GNPTG: variants seen among roughly 807,000 people sequenced by gnomAD.
The protein encoded by GNPTG is N-acetylglucosamine-1-phosphotransferase subunit gamma.
Under a neutral mutation model 43.8 loss-of-function variants are expected in GNPTG, and 46 were observed. The ratio of observed to expected loss-of-function variants is 1.05; its 90% CI spans 0.83 to 1.34. The LOEUF (loss-of-function observed/expected upper bound fraction) is 1.34. Among genes scored for constraint, GNPTG ranks in the 40% most tolerant of loss-of-function variants. The pLI, the probability that GNPTG is intolerant of heterozygous loss-of-function variation, is 0.00. For missense variants in GNPTG, 549 were observed against 411.3 expected (o/e 1.33, Z -2.90); for synonymous variants, 250 against 172.8 (o/e 1.45, Z -3.50).
intron 3 of GNPTG, among the ~76,000 whole-genome samples, chr16:1,359,586 C>A (rs980489090): frequency 1.3e-5 from 2 of 152,068 alleles, no homozygotes; most frequent in Non-Finnish European, 2.9e-5. Flanking sequence ...AGTCTTTATG[C>A]CAGTATCACA....
chr16:1,352,584 C>T, intron 3 of GNPTG: 2 of 492,832 alleles, frequency 4.1e-6, no homozygotes, highest in Non-Finnish European at 3.7e-6. Flanking sequence ...ACGTGCGTGT[C>T]TATGCAACTG....
At chr16:1,354,072 C>T (rs1182650222) in intron 3 of GNPTG, among the ~76,000 whole-genome samples, 1 of 152,172 alleles carries the variant, frequency 6.6e-6, no homozygotes, top group Non-Finnish European at 1.5e-5. Context: ...CGTGATGGCG[C>T]ACCTGGGGTT....
chr16:1,356,666 C>T (rs1326609751), intron 3 of GNPTG, among the ~76,000 whole-genome samples: 1 of 152,206 alleles, frequency 6.6e-6, no homozygotes, highest in Non-Finnish European at 1.5e-5. Flanking sequence ...GGCCTCCTCC[C>T]AGCTGGGGAG....
At chr16:1,360,496 C>T (rs1261723017) in intron 3 of GNPTG, 1 of 152,154 alleles carries the variant, frequency 6.6e-6, no homozygotes, top group Non-Finnish European at 1.5e-5. Flanking sequence ...TGGTGGCGGG[C>T]ACGTGGGATC....
rs761341825 is a variant in GNPTG at position 1,362,797 on chromosome 16, T to TCC, written c.742-26_742-25dup. ...CAGTAGCCCTCCAGCACCTGGGCTT[T>TCC]CCCTTGAACTCTTTTTGTGGTTGGT... On this transcript the variant is annotated intron_variant, in intron 9 of 10. Transcript: ENST00000204679. 3.7e-6 allele frequency: 6 copies of TCC among 1,614,066 alleles called. No homozygotes were observed. The Admixed American group carries it at 1.0e-4, about 27-fold the overall frequency.
At chr16:1,355,736 C>G (rs2034763943) in intron 3 of GNPTG, among the ~76,000 whole-genome samples, 1 of 143,894 alleles carries the variant, frequency 6.9e-6, no homozygotes, top group Admixed American at 7.1e-5. Context: ...GGGCAGGACT[C>G]TGGGGCCTTG....
At chr16:1,354,585 CAAAAAAA>C (rs869067502) in intron 3 of GNPTG, among the ~76,000 whole-genome samples, 1,012 of 44,384 alleles carry the variant, frequency 0.023, 27 homozygotes, top group African/African-American at 0.074. Context: ...GACTTCGTCT[CAAAAAAA>C]AAAAAAAAAA....
chr16:1,355,773 C>T lies in GNPTG; in HGVS notation c.178+3467C>T, dbSNP rs548772403. ...CAGGGTCCTGGATCTGGGGAGGGGG[C>T]GGGGGAGGAGTAGAGTGGCCCCGGG... is the stretch of plus-strand genomic sequence containing the variant. On this transcript the variant is annotated intron_variant, in intron 3 of 10. Coordinates refer to ENST00000204679, the MANE Select transcript of GNPTG (RefSeq NM_032520.5). 3.9e-5 allele frequency among the ~76,000 whole-genome samples: 4 copies of T among 102,446 alleles called. No homozygotes were observed. The East Asian group carries it at 8.4e-4, about 21-fold the overall frequency. The allele number at this position is 102,446 out of a possible 152,430, so 67.2% of individuals were successfully genotyped here. A position where few individuals can be genotyped will look rare whatever the true frequency, so the allele number is the denominator to read the frequency against.
rs61739427 is a variant in GNPTG at position 1,363,010 on chromosome 16, G to C, written c.837G>C (p.Leu279Phe). 1.2e-6 allele frequency: 2 copies of C among 1,614,068 alleles called. No individual in the cohort carries two copies. Among genetic ancestry groups the C allele is most frequent in the Admixed American group, 1.7e-5 (1 of 60,018 alleles). ...PYTRPTETSN[L>F]EHLGHETPRA... is the part of the protein sequence containing the mutation. Reference sequence around the variant, plus strand: ...GTGTTTTGGCAGAAACTTCCAACTTGGAGCACTTGGGCCACGAGACGCCCA... The same window carrying C: ...GTGTTTTGGCAGAAACTTCCAACTTCGAGCACTTGGGCCACGAGACGCCCA... The change falls in exon 11 of 11, where the codon TTG becomes TTC. Residue 279 changes from leucine to phenylalanine, a missense_variant. Coordinates refer to ENST00000204679, the MANE Select transcript of GNPTG (RefSeq NM_032520.5).
In GNPTG at chr16:1,362,216, C is replaced by G. The variant is rs756379978; in HGVS notation, c.422C>G (p.Ala141Gly). The G allele has an allele frequency of 3.1e-6, 5 of 1,613,558 alleles. No homozygotes were observed. The highest frequency in any genetic ancestry group is 1.1e-5 in the South Asian group (1 of 91,090). The part of the protein sequence containing the change: ...SRSRQSKVEL[A>G]CGKSNRLAHV... ...ACGTTCCCTCCCCAGGTGGAGCTGGCGTGTGGAAAAAGCAACCGGCTGGCC... is the reference window on the plus strand; with the variant it reads ...ACGTTCCCTCCCCAGGTGGAGCTGGGGTGTGGAAAAAGCAACCGGCTGGCC... Residue 141 changes from alanine (A) to glycine (G), a missense_variant, in exon 7 of 11, where the codon GCG becomes GGG. Physicochemically the swap from Ala to Gly is moderately conservative, Grantham distance 60. Coordinates refer to ENST00000204679, the MANE Select transcript of GNPTG (RefSeq NM_032520.5).
At chr16:1,361,279 G>A (rs1361868933) in intron 3 of GNPTG, 6 of 187,528 alleles carry the variant, frequency 3.2e-5, no homozygotes, top group East Asian at 2.7e-4. Context: ...TAGAATTCTC[G>A]GTTTTGTCAG....
Position 1,363,132 on chromosome 16 carries a change from C to T in GNPTG, c.*41C>T, listed in dbSNP as rs1473344052. On this transcript the variant is annotated 3_prime_UTR_variant, in exon 11 of 11. Transcript: ENST00000204679. ...GCAGAGGTGGACGCGGCCGAGAGCC[C>T]TACAGAGAAGCTGGCTGGTAGGACC... is the stretch of plus-strand genomic sequence containing the variant. 1 of 1,583,100 alleles carries T rather than the reference C, an allele frequency of 6.3e-7. No individual in the cohort carries two copies. Among genetic ancestry groups the T allele is most frequent in the East Asian group, 2.3e-5 (1 of 44,040 alleles).
chr16:1,361,571 G>C, intron 3 of GNPTG, 172 bp from the exon 4 acceptor site: 1 of 672,638 alleles, frequency 1.5e-6, no homozygotes, highest in East Asian at 2.9e-5. Context: ...GTGAACATGG[G>C]AGGCGGAGCT....
chr16:1,356,800 CCTGGGAACGTGA>C (rs1334515207), intron 3 of GNPTG, among the ~76,000 whole-genome samples: 1 of 152,024 alleles, frequency 6.6e-6, no homozygotes, highest in Non-Finnish European at 1.5e-5. Flanking sequence ...CTGGGGCAAG[CCTGGGAACGTGA>C]GTTCCCAGGA....
Position 1,361,735 on chromosome 16 carries a change from T to G in GNPTG, c.179-8T>G. ...GGACCCTGGGGATCAGTGTGAGGTC[T>G]CTTCCAGGACCCGTGCATCTCTTCC... On this transcript the variant is annotated splice_polypyrimidine_tract_variant and splice_region_variant and intron_variant, in intron 3 of 10. Transcript: ENST00000204679. The G allele has an allele frequency of 6.2e-7, 1 of 1,614,096 alleles. No individual in the cohort carries two copies. The highest frequency in any genetic ancestry group is 8.5e-7 in the Non-Finnish European group (1 of 1,179,998).
chr16:1,360,466 A>G (rs987675108), intron 3 of GNPTG, among the ~76,000 whole-genome samples: 3 of 152,100 alleles, frequency 2.0e-5, no homozygotes, highest in Admixed American at 1.3e-4. Flanking sequence ...TCTGCTGAAG[A>G]TACAAAAATT....
rs375490380 is a variant in GNPTG, at chr16:1,362,549, G to A, written c.609+15G>A. ...TCACCCCCCAGGTAAGCGTGCGCTCGGGGTGGCCCCTGGTGGGCCTGGCTG... is the reference window on the plus strand; with the variant it reads ...TCACCCCCCAGGTAAGCGTGCGCTCAGGGTGGCCCCTGGTGGGCCTGGCTG... On this transcript the variant is annotated intron_variant, in intron 8 of 10. Coordinates refer to ENST00000204679, the MANE Select transcript of GNPTG (RefSeq NM_032520.5). 29 of 1,614,032 alleles carry A rather than the reference G, an allele frequency of 1.8e-5. No individual in the cohort carries two copies. Among genetic ancestry groups the A allele is most frequent in the Middle Eastern group, 1.6e-4 (1 of 6,084 alleles).
chr16:1,362,023 C>T lies in GNPTG; in HGVS notation c.318-15C>T, dbSNP rs2141862454. The T allele has an allele frequency of 6.2e-7, 1 of 1,612,644 alleles. No individual in the cohort carries two copies. The highest frequency in any genetic ancestry group is 8.5e-7 in the Non-Finnish European group (1 of 1,179,668). On this transcript the variant is annotated splice_polypyrimidine_tract_variant and intron_variant, in intron 5 of 10. Coordinates refer to ENST00000204679, the MANE Select transcript of GNPTG (RefSeq NM_032520.5). Reference sequence around the variant, plus strand: ...TCCCCACCCGGCCTCACGTGCCGTGCCCGTGTCTCCCCAGCATCTGGCACG... The same window carrying T: ...TCCCCACCCGGCCTCACGTGCCGTGTCCGTGTCTCCCCAGCATCTGGCACG...
intron 3 of GNPTG, among the ~76,000 whole-genome samples, chr16:1,356,691 G>A (rs531402973): frequency 1.3e-5 from 2 of 152,292 alleles, no homozygotes; most frequent in South Asian, 2.1e-4. Flanking sequence ...GCCAGGCCCC[G>A]CTGCCCTCAC....
Sources: allele counts gnomAD v4.1 joint callset (sites outside exome capture counted in the v4.1 genomes callset), GRCh38; gene constraint gnomAD v4.1.1; transcripts MANE v1.5; gene names NCBI Gene and HGNC (gene_info 2026-07-23, HGNC 2026-07-21).